ALDH7A1: variants seen among roughly 807,000 people sequenced by gnomAD.
ALDH7A1 encodes the protein alpha-aminoadipic semialdehyde dehydrogenase.
ALDH7A1 carries 63 observed loss-of-function variants against 79.9 expected under a neutral mutation model. That is an observed-to-expected ratio of 0.79 (90% confidence interval 0.64 to 0.97). The LOEUF is 0.97. Among genes scored for constraint, ALDH7A1 ranks in the 50% least tolerant of loss-of-function variants. The pLI is 0.00. For missense variants in ALDH7A1, 627 were observed against 665.2 expected, an observed-to-expected ratio of 0.94 and a Z score of 0.63; for synonymous variants, 240 against 231.2, an observed-to-expected ratio of 1.04 and a Z score of -0.34.
intron 3 of ALDH7A1, among the ~76,000 whole-genome samples, chr5:126,590,110 C>T (rs1408476788): frequency 6.6e-6 from 1 of 151,412 alleles, no homozygotes; most frequent in Admixed American, 6.6e-5. Flanking sequence ...CACCTCTGCC[C>T]AGCTGCCACC....
rs1235916916 is a variant in ALDH7A1, at chr5:126,550,105, A to C, written c.1415+91T>G. 3.2e-6 allele frequency: 5 copies of C among 1,547,212 alleles called. No homozygotes were observed. In the African/African-American group the frequency reaches 6.8e-5, roughly 21 times the overall value. On this transcript the variant is annotated intron_variant, in intron 15 of 17. Coordinates refer to ENST00000409134, the MANE Select transcript of ALDH7A1 (RefSeq NM_001182.5). ...CAAAGCTCAAAGGCTTTCAATACTG[A>C]AAAACTGATTTTAGACTACAGCAGT... is the stretch of plus-strand genomic sequence containing the variant.
At chr5:126,594,215 T>C (rs190192547) in intron 1 of ALDH7A1, 7 of 470,610 alleles carry the variant, frequency 1.5e-5, no homozygotes, top group South Asian at 3.1e-5. Context: ...CTCAAAGGAG[T>C]TCACAGCCCA....
intron 12 of ALDH7A1, among the ~76,000 whole-genome samples, chr5:126,555,605 G>C (rs1487808956): frequency 1.3e-5 from 2 of 152,090 alleles, no homozygotes; most frequent in Admixed American, 1.3e-4. Flanking sequence ...CTGTAGCAAT[G>C]GATGCAGAAA....
intron 12 of ALDH7A1, 153 bp from the exon 13 acceptor site, chr5:126,554,546 T>C (rs546027768): frequency 3.3e-5 from 23 of 700,680 alleles, no homozygotes; most frequent in Admixed American, 6.1e-5. Context: ...AAGAACCAGA[T>C]GGTAAATATT....
chr5:126,584,310 C>A, intron 3 of ALDH7A1: 1 of 382,338 alleles, frequency 2.6e-6, no homozygotes, highest in East Asian at 5.7e-5. Flanking sequence ...AAAAAGGAAG[C>A]TGAGACAGAG....
chr5:126,570,235 A>C (rs1750727449), intron 8 of ALDH7A1: 1 of 158,154 alleles, frequency 6.3e-6, no homozygotes, highest in South Asian at 1.8e-4. Context: ...ATAGATATAC[A>C]ATACTCTGAA....
intron 10 of ALDH7A1, 59 bp from the exon 11 acceptor site, chr5:126,559,393 T>C: frequency 7.8e-7 from 1 of 1,287,230 alleles, no homozygotes; most frequent in Non-Finnish European, 1.1e-6. Context: ...AGGTATTTGT[T>C]AGCTGGTATA....
chr5:126,544,561 C>A lies in ALDH7A1; in HGVS notation c.*404G>T, dbSNP rs533678440. On this transcript the variant is annotated 3_prime_UTR_variant, in exon 18 of 18. Transcript: ENST00000409134. ...GTAATGTCAAGCAATATTCACCCCC[C>A]GCCCCTGAATCCTTCACTTGGTCAG... 13 of 248,870 alleles carry A rather than the reference C, an allele frequency of 5.2e-5. No individual in the cohort carries two copies. Among genetic ancestry groups the A allele is most frequent in the Non-Finnish European group, 9.4e-5 (12 of 127,318 alleles). 15.4% of individuals were successfully genotyped at this position (248,870 alleles called of 1,614,324 possible). A position where few individuals can be genotyped will look rare whatever the true frequency, so the allele number is the denominator to read the frequency against.
At chr5:126,565,815 C>T (rs1180920681) in intron 9 of ALDH7A1, among the ~76,000 whole-genome samples, 1 of 152,188 alleles carries the variant, frequency 6.6e-6, no homozygotes, top group Non-Finnish European at 1.5e-5. Flanking sequence ...TAGATAGCTA[C>T]TTGTGTCAGT....
rs34575294 is a variant in ALDH7A1 at position 126,580,826 on chromosome 5, A to ATT, written c.517+2023_517+2024dup. The stretch of plus-strand genomic sequence containing the variant: ...ACAAATTGCTTACACTCTTAACCTC[A>ATT]TTTTTTTTTTTTTTTGAGATGGAGT... On this transcript the variant is annotated intron_variant, in intron 5 of 17. Transcript: ENST00000409134. 4.0e-4 allele frequency among the ~76,000 whole-genome samples: 56 copies of ATT among 138,876 alleles called. 1 individual carries two copies. The highest frequency in any genetic ancestry group is 7.6e-3 in the Middle Eastern group (2 of 264). 91.1% of individuals were successfully genotyped at this position (138,876 alleles called of 152,430 possible).
rs757377110 is a variant in ALDH7A1, at chr5:126,593,356, G to T, written c.241C>A (p.Arg81=). The change falls in exon 2 of 18, where the codon CGA becomes AGA. Residue 81 remains arginine, a synonymous_variant. Coordinates refer to ENST00000409134, the MANE Select transcript of ALDH7A1 (RefSeq NM_001182.5). ...ACACACACACACACTCTTACCTGTCGGACTCTTGCTATTGGCTCGTTGTTA... is the reference window on the plus strand; with the variant it reads ...ACACACACACACACTCTTACCTGTCTGACTCTTGCTATTGGCTCGTTGTTA... The part of the protein sequence containing the change: ...PANNEPIARV[R]QASVADYEET... The T allele has an allele frequency of 6.3e-7, 1 of 1,597,756 alleles. No homozygotes were observed. Among genetic ancestry groups the T allele is most frequent in the East Asian group, 2.3e-5 (1 of 44,358 alleles).
At chr5:126,590,185 C>T (rs1581403240) in intron 3 of ALDH7A1, among the ~76,000 whole-genome samples, 1 of 151,370 alleles carries the variant, frequency 6.6e-6, no homozygotes, top group East Asian at 2.0e-4. Context: ...AAGAGCGCCT[C>T]TGCCCGGCCA....
chr5:126,553,730 T>C (rs999694023), intron 13 of ALDH7A1, among the ~76,000 whole-genome samples: 2 of 150,958 alleles, frequency 1.3e-5, no homozygotes, highest in Admixed American at 6.6e-5. Flanking sequence ...GAGGATTGCT[T>C]TAGTCCAGGA....
At chr5:126,561,529 C>T (rs147378579) in intron 9 of ALDH7A1, 2,119 of 153,842 alleles carry the variant, frequency 0.014, 18 homozygotes, top group African/African-American at 0.022. Context: ...TGCGTGCACG[C>T]GCGCACAGAT....
chr5:126,579,794 C>T (rs976539921), intron 5 of ALDH7A1, among the ~76,000 whole-genome samples: 1 of 152,078 alleles, frequency 6.6e-6, no homozygotes, highest in African/African-American at 2.4e-5. Context: ...CTCGTCTCTA[C>T]AAGAAAAATT....
chr5:126,550,167 A>G (rs376687813), intron 15 of ALDH7A1, 29 bp downstream of exon 15: 10 of 1,600,646 alleles, frequency 6.2e-6, no homozygotes, highest in Non-Finnish European at 6.8e-6. Flanking sequence ...TCAGACTTAT[A>G]TAAATTTTCA....
At chr5:126,560,343 C>A (rs56189006) in intron 10 of ALDH7A1, among the ~76,000 whole-genome samples, 22,663 of 151,986 alleles carry the variant, frequency 0.15, 2,455 homozygotes, top group East Asian at 0.51. Flanking sequence ...TGGTGGCATG[C>A]GCCTGTAATT....
At chr5:126,550,394 T>G (rs1749953624) in intron 14 of ALDH7A1, 101 bp from the exon 15 acceptor site, 5 of 904,210 alleles carry the variant, frequency 5.5e-6, no homozygotes, top group Non-Finnish European at 8.9e-6. Flanking sequence ...ATAATTTCAG[T>G]GTACAAAAGG....
chr5:126,580,917 C>T lies in ALDH7A1; in HGVS notation c.517+1934G>A, dbSNP rs143322314. Among the ~76,000 whole-genome samples, 1,487 of 152,142 alleles carry T rather than the reference C, an allele frequency of 9.8e-3. 13 individuals are homozygous for T. The highest frequency in any genetic ancestry group is 0.025 in the African/African-American group (1,036 of 41,510). ...TCGGCTCACCGCCACCTCCGCCTCC[C>T]GGGTTCAAGCGATTCTCCTGCCTCA... is the stretch of plus-strand genomic sequence containing the variant. On this transcript the variant is annotated intron_variant, in intron 5 of 17. Coordinates refer to ENST00000409134, the MANE Select transcript of ALDH7A1 (RefSeq NM_001182.5).
Sources: allele counts gnomAD v4.1 joint callset (sites outside exome capture counted in the v4.1 genomes callset), GRCh38; gene constraint gnomAD v4.1.1; transcripts MANE v1.5; gene names NCBI Gene and HGNC (gene_info 2026-07-23, HGNC 2026-07-21).